The following DPYSL5 variants were observed in gnomAD, a reference collection of about 807,000 sequenced individuals.
The protein encoded by DPYSL5 is dihydropyrimidinase-related protein 5.
A neutral mutation model predicts 58.4 loss-of-function variants in DPYSL5; 9 were observed. The ratio of observed to expected loss-of-function variants is 0.15; its 90% CI spans 0.09 to 0.27. DPYSL5 has a LOEUF of 0.27. Among genes scored for constraint, DPYSL5 ranks in the 10% least tolerant of loss-of-function variants. The probability of loss-of-function intolerance (pLI) is 1.00; values close to 1 mark genes in which losing one functional copy is unlikely to be tolerated. For synonymous variants in DPYSL5, 293 were observed against 301.9 expected (o/e 0.97, Z 0.31); for missense variants, 499 against 770.6 (o/e 0.65, Z 4.17).
At chr2:26,889,971 A>G (rs1663830446) in intron 1 of DPYSL5, among the ~76,000 whole-genome samples, 1 of 152,206 alleles carries the variant, frequency 6.6e-6, no homozygotes, top group South Asian at 2.1e-4. Flanking sequence ...ATGAGTGTCC[A>G]CAGTCCACAG....
chr2:26,858,820 C>T (rs939319334), intron 1 of DPYSL5, among the ~76,000 whole-genome samples: 2 of 151,874 alleles, frequency 1.3e-5, no homozygotes, highest in African/African-American at 2.4e-5. Context: ...GCAATCCCCC[C>T]GCCTTGGCCT....
chr2:26,898,355 C>A lies in DPYSL5; in HGVS notation c.-4-141C>A. 8.4e-7 allele frequency: 1 copy of A among 1,188,118 alleles called. No individual in the cohort carries two copies. Among genetic ancestry groups the A allele is most frequent in the Non-Finnish European group, 1.2e-6 (1 of 838,258 alleles). The allele number at this position is 1,188,118 out of a possible 1,614,324, so 73.6% of individuals were successfully genotyped here. On this transcript the variant is annotated intron_variant, in intron 1 of 12. Coordinates refer to ENST00000288699, the MANE Select transcript of DPYSL5 (RefSeq NM_020134.4). The surrounding 1 kb of genome is among the most constrained non-coding windows in gnomAD (Gnocchi z 6.1). Reference sequence around the variant, plus strand: ...TGGGAAGCCAGTGGGAGGCTTGTGACTCCCGCTGGCTGTAGGGGAAAGTTC... The same window carrying A: ...TGGGAAGCCAGTGGGAGGCTTGTGAATCCCGCTGGCTGTAGGGGAAAGTTC...
chr2:26,912,402 A>G (rs1664463690), intron 2 of DPYSL5, among the ~76,000 whole-genome samples: 1 of 152,204 alleles, frequency 6.6e-6, no homozygotes, highest in African/African-American at 2.4e-5. Context: ...CAGCTGAAGG[A>G]TGGAGAAAGC....
At chr2:26,937,867 T>C (rs770904510) in intron 8 of DPYSL5, among the ~76,000 whole-genome samples, 4 of 151,988 alleles carry the variant, frequency 2.6e-5, no homozygotes, top group Non-Finnish European at 5.9e-5. Flanking sequence ...TGCACCACCG[T>C]GCCCAGCCTA....
At chr2:26,891,918 C>T (rs1442107452) in intron 1 of DPYSL5, among the ~76,000 whole-genome samples, 3 of 152,218 alleles carry the variant, frequency 2.0e-5, no homozygotes, top group Non-Finnish European at 2.9e-5. Flanking sequence ...AGTGATCCGC[C>T]GGCCTCAGCC....
In DPYSL5 at chr2:26,924,975, G is replaced by A. The variant is rs1037978710; in HGVS notation, c.350G>A (p.Arg117Gln). Residue 117 changes from arginine to glutamine, a missense_variant, in exon 3 of 13, where the codon CGA becomes CAA. Arg to Gln is a conservative substitution (Grantham distance 43). This residue lies in a region of DPYSL5 where 404 missense variants were observed against 647.6 expected (regional missense o/e 0.62). Coordinates refer to ENST00000288699, the MANE Select transcript of DPYSL5 (RefSeq NM_020134.4). This position sits in a 1 kb window ranked among gnomAD's most constrained non-coding sequence, Gnocchi z 4.7. ...TSLVDAYEKC[R>Q]GLADPKVCCD... is the part of the protein sequence containing the mutation. The stretch of plus-strand genomic sequence containing the variant: ...CTTGTGGACGCTTATGAGAAGTGCC[G>A]AGGTCTGGCCGACCCCAAGGTCTGC... 4.3e-6 allele frequency: 7 copies of A among 1,614,134 alleles called. No homozygotes were observed. Among genetic ancestry groups the A allele is most frequent in the South Asian group, 1.1e-5 (1 of 91,070 alleles).
chr2:26,860,095 G>A (rs1250178633), intron 1 of DPYSL5, among the ~76,000 whole-genome samples: 1 of 152,106 alleles, frequency 6.6e-6, no homozygotes, highest in African/African-American at 2.4e-5. Context: ...TGCTAATATC[G>A]TCCTCACAGG....
chr2:26,900,529 C>T (rs1186548937), intron 2 of DPYSL5, among the ~76,000 whole-genome samples: 1 of 152,196 alleles, frequency 6.6e-6, no homozygotes, highest in African/African-American at 2.4e-5. Context: ...CAAACATTGT[C>T]ACTATGAACA....
At chr2:26,932,139 G>T (rs1285562565) in intron 6 of DPYSL5, among the ~76,000 whole-genome samples, 1 of 40,532 alleles carries the variant, frequency 2.5e-5, no homozygotes, top group African/African-American at 1.0e-4. Flanking sequence ...GAAAGAAAGA[G>T]AAAGAAAGAA....
intron 5 of DPYSL5, among the ~76,000 whole-genome samples, chr2:26,930,400 T>C (rs1215857366): frequency 2.0e-5 from 3 of 152,158 alleles, no homozygotes; most frequent in Non-Finnish European, 2.9e-5. Context: ...CAGGGGAAAT[T>C]TGACAATATC....
intron 1 of DPYSL5, among the ~76,000 whole-genome samples, chr2:26,885,908 C>T (rs184162561): frequency 2.0e-5 from 3 of 152,236 alleles, no homozygotes; most frequent in African/African-American, 7.2e-5. Flanking sequence ...CCTCTCAGAG[C>T]AGTCTTCCTG....
chr2:26,927,447 A>C lies in DPYSL5; in HGVS notation c.600+15A>C, dbSNP rs1283118488. 1 of 1,612,594 alleles carries C rather than the reference A, an allele frequency of 6.2e-7. No individual in the cohort carries two copies. The highest frequency in any genetic ancestry group is 2.2e-5 in the East Asian group (1 of 44,870). On this transcript the variant is annotated intron_variant, in intron 4 of 12. Coordinates refer to ENST00000288699, the MANE Select transcript of DPYSL5 (RefSeq NM_020134.4). The surrounding 1 kb of genome is among the most constrained non-coding windows in gnomAD (Gnocchi z 4.3). ...TTGTGGCCGAGGCAAGTCTGCAGCCAAGAATATTGGATGGAGGGACACCAG... is the reference window on the plus strand; with the variant it reads ...TTGTGGCCGAGGCAAGTCTGCAGCCCAGAATATTGGATGGAGGGACACCAG...
chr2:26,902,318 A>G (rs1210243052), intron 2 of DPYSL5, among the ~76,000 whole-genome samples: 2 of 152,068 alleles, frequency 1.3e-5, no homozygotes, highest in Non-Finnish European at 1.5e-5. Flanking sequence ...CTAGTATTAC[A>G]GAGTAAAGAA....
At chr2:26,909,021 C>T (rs140921908) in intron 2 of DPYSL5, among the ~76,000 whole-genome samples, 2 of 152,146 alleles carry the variant, frequency 1.3e-5, no homozygotes, top group African/African-American at 2.4e-5. Flanking sequence ...TTTGAAGTTG[C>T]CATATTTGTG....
At chr2:26,859,100 A>G (rs1329143577) in intron 1 of DPYSL5, among the ~76,000 whole-genome samples, 1 of 152,180 alleles carries the variant, frequency 6.6e-6, no homozygotes, top group Non-Finnish European at 1.5e-5. Context: ...CTAATTTACA[A>G]ATTGAAGCTT....
intron 1 of DPYSL5, among the ~76,000 whole-genome samples, chr2:26,887,491 A>G (rs1030179871): frequency 3.3e-5 from 5 of 152,126 alleles, no homozygotes; most frequent in African/African-American, 1.2e-4. Flanking sequence ...TCCAAAACAC[A>G]GTGTTGGGCT....
chr2:26,866,810 C>T (rs1329071003), intron 1 of DPYSL5, among the ~76,000 whole-genome samples: 1 of 150,872 alleles, frequency 6.6e-6, no homozygotes, highest in African/African-American at 2.5e-5. Flanking sequence ...CGGCTCACTG[C>T]AACCTCCGTC....
rs1354611621 is a variant in DPYSL5, at chr2:26,933,410, C to T, written c.790+77C>T. 5 of 1,393,388 alleles carry T rather than the reference C, an allele frequency of 3.6e-6. No individual in the cohort carries two copies. Among genetic ancestry groups the T allele is most frequent in the African/African-American group, 1.4e-5 (1 of 70,618 alleles). 86.3% of individuals were successfully genotyped at this position (1,393,388 alleles called of 1,614,324 possible). The stretch of plus-strand genomic sequence containing the variant: ...ATGGATGGGGCCCATTAGCCGTGCT[C>T]ACTCCTGGCCCCGGCTCCTGAAACC... On this transcript the variant is annotated intron_variant, in intron 7 of 12. Coordinates refer to ENST00000288699, the MANE Select transcript of DPYSL5 (RefSeq NM_020134.4). The surrounding 1 kb of genome is among the most constrained non-coding windows in gnomAD (Gnocchi z 4.2).
chr2:26,902,309 T>C (rs1047127450), intron 2 of DPYSL5, among the ~76,000 whole-genome samples: 3 of 151,858 alleles, frequency 2.0e-5, no homozygotes, highest in African/African-American at 7.3e-5. Flanking sequence ...CATATGTATC[T>C]AGTATTACAG....
Sources: allele counts gnomAD v4.1 joint callset (sites outside exome capture counted in the v4.1 genomes callset), GRCh38; gene constraint gnomAD v4.1.1; regional missense constraint gnomAD v4.1.1; non-coding constraint Gnocchi (gnomAD v3.1); transcripts MANE v1.5; gene names NCBI Gene and HGNC (gene_info 2026-07-23, HGNC 2026-07-21).